STARD13: variants seen among roughly 807,000 people sequenced by gnomAD.
STARD13 encodes the protein StAR related lipid transfer domain containing 13, also known as stAR-related lipid transfer protein 13.
In STARD13, 62 loss-of-function variants were observed where a neutral mutation model predicts 106.4. The observed-to-expected ratio is 0.58, with a 90% confidence interval of 0.48 to 0.72. STARD13 has a LOEUF of 0.72. Ranked by LOEUF, STARD13 falls within the 30% of genes least tolerant of loss-of-function variation. The pLI, the probability that STARD13 is intolerant of heterozygous loss-of-function variation, is 0.00. For synonymous variants in STARD13, 565 were observed against 553.0 expected, an observed-to-expected ratio of 1.02 and a Z score of -0.31; for missense variants, 1,387 against 1,424.0, an observed-to-expected ratio of 0.97 and a Z score of 0.42.
chr13:33,138,754 T>G (rs1593941044), intron 4 of STARD13: 1 of 426,242 alleles, frequency 2.3e-6, no homozygotes, highest in Non-Finnish European at 4.7e-6. Flanking sequence ...CTTGGCTGGG[T>G]TGTTAGTCTT....
the STARD13 span, among the ~76,000 whole-genome samples, chr13:33,599,874 T>G: frequency 6.6e-6 from 1 of 152,356 alleles, no homozygotes; most frequent in African/African-American, 2.4e-5. Context: ...TTACAACCAT[T>G]AGCTGAAATG....
rs144929668 is a variant in STARD13, at chr13:33,325,175, C to T, written c.124+25115G>A. Among the ~76,000 whole-genome samples, 27 of 152,296 alleles carry T rather than the reference C, an allele frequency of 1.8e-4. No individual in the cohort carries two copies. The Middle Eastern group carries it at 0.01, about 58-fold the overall frequency. On this transcript the variant is annotated intron_variant, in intron 1 of 5. Coordinates refer to the STARD13 transcript ENST00000567873. Reference sequence around the variant, plus strand: ...TTGTCATTTTCCCCCCAAATCCTCACTGGCACAACGGTGTTTTTAGTGTAG... The same window carrying T: ...TTGTCATTTTCCCCCCAAATCCTCATTGGCACAACGGTGTTTTTAGTGTAG...
At chr13:33,325,992 A>AG (rs1269837248) in intron 1 of STARD13, among the ~76,000 whole-genome samples, 2 of 150,768 alleles carry the variant, frequency 1.3e-5, no homozygotes, top group East Asian at 1.9e-4. Context: ...TTAAAAAAAA[A>AG]AAAAAAAAAA....
the STARD13 span, among the ~76,000 whole-genome samples, chr13:33,665,860 A>T: frequency 6.6e-6 from 1 of 152,144 alleles, no homozygotes; most frequent in Admixed American, 6.5e-5. Context: ...CGGTGCCATA[A>T]CTTTTGATTA....
chr13:33,189,406 T>G (rs1886044310), intron 1 of STARD13, among the ~76,000 whole-genome samples: 2 of 87,648 alleles, frequency 2.3e-5, no homozygotes, highest in African/African-American at 4.1e-5. Context: ...CCCTTCCCTT[T>G]CCTCCTGCTT....
the STARD13 span, among the ~76,000 whole-genome samples, chr13:33,453,244 C>A: frequency 2.0e-5 from 3 of 152,130 alleles, no homozygotes; most frequent in African/African-American, 7.2e-5. Context: ...ACAAAAACAA[C>A]AACAAAACAT....
intron 1 of STARD13, among the ~76,000 whole-genome samples, chr13:33,175,706 A>G (rs990216221): frequency 6.6e-6 from 1 of 152,316 alleles, no homozygotes; most frequent in Non-Finnish European, 1.5e-5. Context: ...ACTGCTTTGG[A>G]CAAATCCCAC....
intron 3 of STARD13, among the ~76,000 whole-genome samples, chr13:33,152,647 C>G (rs189809116): frequency 1.5e-3 from 232 of 152,304 alleles, no homozygotes; most frequent in African/African-American, 4.0e-3. Context: ...ATCCCCTACC[C>G]ACCATGGGCT....
intron 3 of STARD13, among the ~76,000 whole-genome samples, chr13:33,160,043 C>T (rs2138329551): frequency 6.6e-6 from 1 of 152,158 alleles, no homozygotes; most frequent in Non-Finnish European, 1.5e-5. Flanking sequence ...CAAAGAAGAA[C>T]AAAGTTAAAG....
rs564200960 is a variant in STARD13 at position 33,220,082 on chromosome 13, T to C, written c.170-52460A>G. Among the ~76,000 whole-genome samples, 5 of 152,336 alleles carry C rather than the reference T, an allele frequency of 3.3e-5. 1 individual carries two copies. The South Asian group carries it at 1.0e-3, about 32-fold the overall frequency. On this transcript the variant is annotated intron_variant, in intron 1 of 13. Transcript: ENST00000336934. ...GATTAAAAACTTGATGAGGCAGGGA[T>C]GTTTTTCTGTTTTGGACATTGATAT...
At chr13:33,310,411 T>C (rs1218501710) in intron 1 of STARD13, among the ~76,000 whole-genome samples, 1 of 152,208 alleles carries the variant, frequency 6.6e-6, no homozygotes, top group Non-Finnish European at 1.5e-5. Flanking sequence ...AGGCTGTAAT[T>C]CAGGAAAACT....
Position 33,129,973 on chromosome 13 carries a change from G to T in STARD13, c.704C>A (p.Pro235His). ...GGGGTGGTTGAGGACATCTCTGGGG[G>T]GCTGTGGGAGGCTGCTGCTGACGAG... The part of the protein sequence containing the change: ...APLVSSSLPQ[P>H]PRDVLNHPFH... The change falls in exon 5 of 14, where the codon CCC becomes CAC. Residue 235 changes from proline (P) to histidine (H), a missense_variant. Coordinates refer to ENST00000336934, the MANE Select transcript of STARD13 (RefSeq NM_178006.4). The T allele has an allele frequency of 6.2e-7, 1 of 1,613,204 alleles. No homozygotes were observed. Among genetic ancestry groups the T allele is most frequent in the Non-Finnish European group, 8.5e-7 (1 of 1,179,818 alleles).
chr13:33,528,939 T>C, the STARD13 span, among the ~76,000 whole-genome samples: 1 of 152,172 alleles, frequency 6.6e-6, no homozygotes, highest in African/African-American at 2.4e-5. Context: ...GCCAATTACT[T>C]AACCTCCCAA....
At chr13:33,142,858 G>T (rs374477687) in intron 3 of STARD13, among the ~76,000 whole-genome samples, 1 of 152,166 alleles carries the variant, frequency 6.6e-6, no homozygotes, top group African/African-American at 2.4e-5. Flanking sequence ...TAACTATGCC[G>T]CTCCAGAACA....
intron 4 of STARD13, among the ~76,000 whole-genome samples, chr13:33,135,641 C>T (rs958837839): frequency 6.6e-6 from 1 of 152,186 alleles, no homozygotes; most frequent in African/African-American, 2.4e-5. Context: ...GAATGGAATA[C>T]CCTAAAGTAG....
chr13:33,497,302 T>C, the STARD13 span, among the ~76,000 whole-genome samples: 3 of 152,300 alleles, frequency 2.0e-5, no homozygotes, highest in East Asian at 5.8e-4. Context: ...GAAGACTGAA[T>C]GTTTATTTTG....
At chr13:33,646,491 C>G in the STARD13 span, among the ~76,000 whole-genome samples, 1,305 of 152,236 alleles carry the variant, frequency 8.6e-3, 16 homozygotes, top group African/African-American at 0.03. Flanking sequence ...TCATGGCTGT[C>G]GGCTGCTCAG....
the STARD13 span, among the ~76,000 whole-genome samples, chr13:33,514,806 T>C: frequency 6.6e-6 from 1 of 152,096 alleles, no homozygotes; most frequent in East Asian, 1.9e-4. Context: ...GAGCCTGCCA[T>C]GATGCAGTCT....
the STARD13 span, among the ~76,000 whole-genome samples, chr13:33,589,200 T>G: frequency 6.6e-6 from 1 of 152,248 alleles, no homozygotes; most frequent in African/African-American, 2.4e-5. Flanking sequence ...TCTTCTTTAT[T>G]AATCTTGCTA....
Sources: allele counts gnomAD v4.1 joint callset (sites outside exome capture counted in the v4.1 genomes callset), GRCh38; gene constraint gnomAD v4.1.1; transcripts MANE v1.5; gene names NCBI Gene and HGNC (gene_info 2026-07-23, HGNC 2026-07-21).